Variants in C6 observed in about 807,000 individuals in gnomAD.
The protein encoded by C6 is complement component C6.
C6 carries 101 observed loss-of-function variants against 112.9 expected under a neutral mutation model. The observed-to-expected ratio is 0.89, with a 90% CI of 0.76 to 1.06. The LOEUF is 1.06. Among genes scored for constraint, C6 ranks in the 50% least tolerant of loss-of-function variants. C6 has a pLI of 0.00. For synonymous variants in C6, 431 were observed against 384.1 expected (o/e 1.12, Z -1.43); for missense variants, 1,202 against 1,104.6 (o/e 1.09, Z -1.25).
At chr5:41,235,116 T>G (rs1200280118) in intron 1 of C6, among the ~76,000 whole-genome samples, 1 of 149,122 alleles carries the variant, frequency 6.7e-6, no homozygotes, top group African/African-American at 2.5e-5. Context: ...AGGGTACATG[T>G]GCACATTGTG....
chr5:41,218,169 G>A (rs889442657), upstream of C6, among the ~76,000 whole-genome samples: 2 of 152,090 alleles, frequency 1.3e-5, no homozygotes, highest in African/African-American at 4.8e-5. Flanking sequence ...ATAGTAGTTG[G>A]ATAGGAAAGA....
rs138981054 is a variant in C6, at chr5:41,203,300, C to T, written c.-20-50G>A. ...ATATCAAATGCTTTTTTGAGGTAAACCTTCACAAGTCATCCTGAGTCAGAG... is the reference window on the plus strand; with the variant it reads ...ATATCAAATGCTTTTTTGAGGTAAATCTTCACAAGTCATCCTGAGTCAGAG... On this transcript the variant is annotated intron_variant, in intron 1 of 17. Transcript: ENST00000337836. The T allele has an allele frequency of 1.1e-3, 1,691 of 1,567,526 alleles. 11 individuals are homozygous for T. Among genetic ancestry groups the T allele is most frequent in the South Asian group, 8.6e-3 (772 of 89,806 alleles).
intron 1 of C6, among the ~76,000 whole-genome samples, chr5:41,248,628 A>G (rs1025500837): frequency 1.3e-5 from 2 of 152,234 alleles, no homozygotes; most frequent in East Asian, 3.8e-4. Flanking sequence ...ATGAGATACC[A>G]TCTCACACCA....
chr5:41,242,711 T>C (rs935379124), intron 1 of C6, among the ~76,000 whole-genome samples: 19 of 152,156 alleles, frequency 1.2e-4, no homozygotes, highest in Non-Finnish European at 1.6e-4. Flanking sequence ...GCAATAACCT[T>C]AGAAATCCCA....
chr5:41,231,807 A>T (rs956963165), intron 1 of C6, among the ~76,000 whole-genome samples: 2 of 151,968 alleles, frequency 1.3e-5, no homozygotes, highest in African/African-American at 4.8e-5. Flanking sequence ...AAAATGATAG[A>T]CACTGTGTGT....
chr5:41,221,131 T>A (rs980574007), intron 1 of C6, among the ~76,000 whole-genome samples: 3 of 152,160 alleles, frequency 2.0e-5, no homozygotes, highest in African/African-American at 7.2e-5. Flanking sequence ...ACCAGTCACT[T>A]TAAAATTAGA....
At chr5:41,195,680 G>T in intron 5 of C6, 112 bp downstream of exon 5, 1 of 1,102,496 alleles carries the variant, frequency 9.1e-7, no homozygotes, top group Non-Finnish European at 1.4e-6. Flanking sequence ...AGGGCTGGTA[G>T]GAGTAGTAAG....
chr5:41,143,013 TGAGA>T lies in C6; in HGVS notation c.2624-11_2624-8del, dbSNP rs752102682. The T allele has an allele frequency of 1.9e-6, 3 of 1,609,578 alleles. No individual in the cohort carries two copies. Among genetic ancestry groups the T allele is most frequent in the South Asian group, 2.2e-5 (2 of 90,938 alleles). ...ACACATTTGGAAGTGGAGGCTGTAA[TGAGA>T]GAGAGAGAGACAGTGTGACTTACCA... On this transcript the variant is annotated splice_region_variant and splice_polypyrimidine_tract_variant and intron_variant, in intron 17 of 17. Coordinates refer to ENST00000337836, the MANE Select transcript of C6 (RefSeq NM_000065.5).
chr5:41,217,655 GA>G (rs1752241409), upstream of C6, among the ~76,000 whole-genome samples: 1 of 152,104 alleles, frequency 6.6e-6, no homozygotes, highest in South Asian at 2.1e-4. Context: ...GGAATGGAAA[GA>G]AAATGAGCTA....
chr5:41,255,602 C>G (rs957540644), intron 1 of C6, among the ~76,000 whole-genome samples: 1 of 152,182 alleles, frequency 6.6e-6, no homozygotes, highest in African/African-American at 2.4e-5. Flanking sequence ...AACATATCTC[C>G]ACTTCTCTCT....
At chr5:41,237,036 GA>G (rs1323591894) in intron 1 of C6, among the ~76,000 whole-genome samples, 1 of 150,162 alleles carries the variant, frequency 6.7e-6, no homozygotes, top group African/African-American at 2.5e-5. Context: ...GGAAGAAGTT[GA>G]ATATCTGAAT....
At chr5:41,161,458 G>T (rs1053922258) in intron 10 of C6, among the ~76,000 whole-genome samples, 8 of 151,962 alleles carry the variant, frequency 5.3e-5, no homozygotes, top group Admixed American at 4.6e-4. Flanking sequence ...CCATTTCCTG[G>T]TGTTTCATGC....
At chr5:41,187,211 T>C (rs959285426) in intron 5 of C6, among the ~76,000 whole-genome samples, 6 of 152,184 alleles carry the variant, frequency 3.9e-5, no homozygotes, top group Admixed American at 1.3e-4. Context: ...TCCCTTCTCA[T>C]GACCCTTCAG....
intron 1 of C6, among the ~76,000 whole-genome samples, chr5:41,204,042 T>C (rs1751235400): frequency 6.6e-6 from 1 of 152,218 alleles, no homozygotes; most frequent in African/African-American, 2.4e-5. Flanking sequence ...TGAAGATCCA[T>C]GAGTTATTTG....
intron 15 of C6, among the ~76,000 whole-genome samples, chr5:41,151,673 C>A (rs1316000443): frequency 6.6e-6 from 1 of 151,908 alleles, no homozygotes; most frequent in Non-Finnish European, 1.5e-5. Context: ...CAGTGTGAGG[C>A]GAGGGGACAG....
intron 14 of C6, 149 bp downstream of exon 14, chr5:41,154,823 T>C (rs1236711305): frequency 6.3e-6 from 5 of 792,638 alleles, no homozygotes; most frequent in Non-Finnish European, 8.7e-6. Context: ...AATGAGCCCT[T>C]CTATTTATTT....
intron 15 of C6, among the ~76,000 whole-genome samples, chr5:41,153,521 T>C (rs570768350): frequency 4.1e-4 from 63 of 152,322 alleles, no homozygotes; most frequent in Middle Eastern, 3.4e-3. Flanking sequence ...CTCACTAATT[T>C]CCATGAGATC....
intron 6 of C6, among the ~76,000 whole-genome samples, chr5:41,182,492 T>C (rs1363882173): frequency 6.6e-6 from 1 of 152,198 alleles, no homozygotes; most frequent in Non-Finnish European, 1.5e-5. Context: ...GTAGTTATTC[T>C]AAGGTCTTCT....
In C6 at chr5:41,142,711, T is replaced by C; in HGVS notation, c.*114A>G. 1 of 827,062 alleles carries C rather than the reference T, an allele frequency of 1.2e-6. No individual in the cohort carries two copies. The highest frequency in any genetic ancestry group is 1.4e-5 in the South Asian group (1 of 73,278). The allele number at this position is 827,062 out of a possible 1,614,324, so 51.2% of individuals were successfully genotyped here. ...TCTCAAACTAACAGAAAATAATTTTTGTCAGTAACTTTGAGCATGCCAGTC... is the reference window on the plus strand; with the variant it reads ...TCTCAAACTAACAGAAAATAATTTTCGTCAGTAACTTTGAGCATGCCAGTC... On this transcript the variant is annotated 3_prime_UTR_variant, in exon 18 of 18. Transcript: ENST00000337836.
Sources: gnomAD v4.1 joint callset for allele counts (sites outside exome capture counted in the v4.1 genomes callset) on GRCh38, gnomAD v4.1.1 for gene constraint, MANE v1.5 for transcripts, NCBI Gene and HGNC (gene_info 2026-07-23, HGNC 2026-07-21) for gene names.